Variants in UPK1B observed in about 807,000 individuals in gnomAD.
UPK1B encodes the protein uroplakin-1b.
Under a neutral mutation model 34.2 loss-of-function variants are expected in UPK1B, and 28 were observed. The ratio of observed to expected loss-of-function variants is 0.82; its 90% confidence interval spans 0.61 to 1.12. The LOEUF (loss-of-function observed/expected upper bound fraction) is 1.12. Ranked by LOEUF, UPK1B falls within the 50% of genes most tolerant of loss-of-function variation. UPK1B has a pLI of 0.00. For missense variants in UPK1B, 325 were observed against 320.9 expected (o/e 1.01, Z -0.10); for synonymous variants, 81 against 110.4 (o/e 0.73, Z 1.67).
chr3:119,190,208 A>G, intron 3 of UPK1B, 37 bp from the exon 4 acceptor site: 1 of 1,490,000 alleles, frequency 6.7e-7, no homozygotes, highest in Non-Finnish European at 9.2e-7. Flanking sequence ...TTTGACGGGT[A>G]AATGTAATTC....
At chr3:119,198,264 G>A (rs1412171533) in intron 6 of UPK1B, among the ~76,000 whole-genome samples, 1 of 152,186 alleles carries the variant, frequency 6.6e-6, no homozygotes, top group Non-Finnish European at 1.5e-5. Flanking sequence ...TGGGGTGAGA[G>A]GCAGAGCCGC....
chr3:119,203,702 A>T (rs1373709865), intron 7 of UPK1B, among the ~76,000 whole-genome samples: 1 of 152,216 alleles, frequency 6.6e-6, no homozygotes, highest in Non-Finnish European at 1.5e-5. Context: ...CAGGTGCAGC[A>T]AACCACCATG....
intron 5 of UPK1B, among the ~76,000 whole-genome samples, chr3:119,193,038 T>C (rs925069089): frequency 7.2e-5 from 11 of 152,158 alleles, no homozygotes; most frequent in Non-Finnish European, 1.5e-4. Flanking sequence ...AATTACCAAT[T>C]ACCTCCATCC....
At chr3:119,179,399 T>TATATATATA (rs1559900078) in intron 1 of UPK1B, among the ~76,000 whole-genome samples, 938 of 54,170 alleles carry the variant, frequency 0.017, 154 homozygotes, top group Non-Finnish European at 0.023. Flanking sequence ...ATATATATAT[T>TATATATATA]AATTCTAAGG....
At chr3:119,195,488 T>C (rs781118658) in intron 6 of UPK1B, among the ~76,000 whole-genome samples, 10 of 152,128 alleles carry the variant, frequency 6.6e-5, no homozygotes, top group Non-Finnish European at 1.3e-4. Context: ...GGCATGGGAG[T>C]GTTCTAGATT....
intron 1 of UPK1B, among the ~76,000 whole-genome samples, chr3:119,175,350 T>C (rs947516494): frequency 1.3e-5 from 2 of 152,146 alleles, no homozygotes; most frequent in Non-Finnish European, 2.9e-5. Context: ...TCTTTTTGAC[T>C]TCTCCTGCTT....
At chr3:119,179,400 A>ATATATAT (rs71297416) in intron 1 of UPK1B, among the ~76,000 whole-genome samples, 3 of 20,088 alleles carry the variant, frequency 1.5e-4, no homozygotes, top group Non-Finnish European at 4.4e-4. Context: ...TATATATATT[A>ATATATAT]ATTCTAAGGA....
chr3:119,194,480 G>T, intron 6 of UPK1B, 82 bp downstream of exon 6: 1 of 1,297,062 alleles, frequency 7.7e-7, no homozygotes, highest in Non-Finnish European at 1.0e-6. Flanking sequence ...GTAGGAAATA[G>T]TCTTTCAGTA....
At chr3:119,192,307 A>G (rs1165350124) in intron 5 of UPK1B, among the ~76,000 whole-genome samples, 2 of 152,004 alleles carry the variant, frequency 1.3e-5, no homozygotes, top group African/African-American at 4.8e-5. Flanking sequence ...CCCCATAGCC[A>G]GTCCTTCCCT....
rs2078109691 is a variant in UPK1B, at chr3:119,204,489, C to G, written c.*522C>G. 6.5e-6 allele frequency: 1 copy of G among 154,188 alleles called. No homozygotes were observed. The highest frequency in any genetic ancestry group is 6.4e-5 in the Admixed American group (1 of 15,674). The allele number at this position is 154,188 out of a possible 1,614,324, so 9.6% of individuals were successfully genotyped here. A position where few individuals can be genotyped will look rare whatever the true frequency, so the allele number is the denominator to read the frequency against. ...TGGGTGATTCTCTTGATGCCACCTT[C>G]AGATCCTTTTATTCTCCAGAATAAT... On this transcript the variant is annotated 3_prime_UTR_variant, in exon 8 of 8. Coordinates refer to ENST00000264234, the MANE Select transcript of UPK1B (RefSeq NM_006952.4).
intron 7 of UPK1B, among the ~76,000 whole-genome samples, chr3:119,201,493 T>C (rs190615404): frequency 1.3e-4 from 20 of 152,252 alleles, no homozygotes; most frequent in Admixed American, 7.8e-4. Context: ...ATGAGACTTA[T>C]TCCCTATCAC....
In UPK1B at chr3:119,187,788, C is replaced by T. The variant is rs750034638; in HGVS notation, c.83C>T (p.Ala28Val). The change falls in exon 3 of 8, where the codon GCC becomes GTC. Residue 28 changes from alanine to valine, a missense_variant. Ala to Val is a moderately conservative substitution (Grantham distance 64, BLOSUM62 0). Coordinates refer to ENST00000264234, the MANE Select transcript of UPK1B (RefSeq NM_006952.4). Reference protein sequence around the residue: ...GNVIIGCCGIALTAECIFFVS... With the variant: ...GNVIIGCCGIVLTAECIFFVS... ...ATTTGCCCCCAGTGTTGCGGCATTG[C>T]CCTGACTGCGGAGTGCATCTTCTTT... The T allele has an allele frequency of 1.2e-5, 19 of 1,613,366 alleles. No individual in the cohort carries two copies. The South Asian group carries it at 2.0e-4, about 17-fold the overall frequency.
At chr3:119,175,012 C>CTTTTTT (rs374721069) in intron 1 of UPK1B, among the ~76,000 whole-genome samples, 13 of 67,448 alleles carry the variant, frequency 1.9e-4, no homozygotes, top group African/African-American at 2.5e-4. Context: ...CTTTTATTTT[C>CTTTTTT]TTTTTTTTTT....
chr3:119,202,742 T>C (rs2078096906), intron 7 of UPK1B, among the ~76,000 whole-genome samples: 2 of 152,134 alleles, frequency 1.3e-5, no homozygotes, highest in South Asian at 4.1e-4. Context: ...ACAAGCATTT[T>C]AGGAAAAAAT....
chr3:119,185,289 ATACT>A (rs144169392), intron 1 of UPK1B, among the ~76,000 whole-genome samples: 1,983 of 152,342 alleles, frequency 0.013, 46 homozygotes, highest in African/African-American at 0.045. Flanking sequence ...AAGGTTGTTA[ATACT>A]TACAGTGTAA....
chr3:119,199,653 C>T (rs73854429), intron 7 of UPK1B, among the ~76,000 whole-genome samples: 5,143 of 152,290 alleles, frequency 0.034, 282 homozygotes, highest in African/African-American at 0.12. Flanking sequence ...CACATTAAAA[C>T]GCCATGGGGA....
Position 119,188,476 on chromosome 3 carries a change from G to C in UPK1B, c.270+501G>C, listed in dbSNP as rs116965325. On this transcript the variant is annotated intron_variant, in intron 3 of 7. Transcript: ENST00000264234. ...TTTTGAGCTCAAGGTTGATGATTCT[G>C]TATCATAGCCTATACTCCCCACATT... Among the ~76,000 whole-genome samples the C allele has an allele frequency of 2.8e-3, 425 of 152,302 alleles. 12 individuals carry two copies. The East Asian group carries it at 0.068, about 24-fold the overall frequency.
In UPK1B at chr3:119,175,012, C is replaced by CTTTTTTTTTTTTT. The variant is rs374721069; in HGVS notation, c.-29+1397_-29+1409dup. Among the ~76,000 whole-genome samples, 20 of 67,436 alleles carry CTTTTTTTTTTTTT rather than the reference C, an allele frequency of 3.0e-4. 1 individual carries two copies. The highest frequency in any genetic ancestry group is 4.3e-4 in the Admixed American group (2 of 4,616). The allele number at this position is 67,436 out of a possible 152,430, so 44.2% of individuals were successfully genotyped here. A position where few individuals can be genotyped will look rare whatever the true frequency, so the allele number is the denominator to read the frequency against. The stretch of plus-strand genomic sequence containing the variant: ...CAGAACTTTTTTTTTCTTTTATTTT[C>CTTTTTTTTTTTTT]TTTTTTTTTTTTTTTTTTTTTTTTT... On this transcript the variant is annotated intron_variant, in intron 1 of 7. Transcript: ENST00000264234.
rs1339597506 is a variant in UPK1B at position 119,187,766 on chromosome 3, T to C, written c.70-9T>C. 6.2e-7 allele frequency: 1 copy of C among 1,613,740 alleles called. No individual in the cohort carries two copies. The highest frequency in any genetic ancestry group is 2.2e-5 in the East Asian group (1 of 44,874). ...CTCCTGATGGAGCCCACCTTTCATT[T>C]GCCCCCAGTGTTGCGGCATTGCCCT... On this transcript the variant is annotated splice_polypyrimidine_tract_variant and intron_variant, in intron 2 of 7. Coordinates refer to ENST00000264234, the MANE Select transcript of UPK1B (RefSeq NM_006952.4).
Sources: allele counts gnomAD v4.1 joint callset (sites outside exome capture counted in the v4.1 genomes callset), GRCh38; gene constraint gnomAD v4.1.1; transcripts MANE v1.5; gene names NCBI Gene and HGNC (gene_info 2026-07-23, HGNC 2026-07-21).